The following IFNLR1 variants were observed in gnomAD, a reference collection of about 807,000 sequenced individuals.
IFNLR1 encodes the protein interferon lambda receptor 1, also known as CRF2-12.
Under a neutral mutation model 52.5 loss-of-function variants are expected in IFNLR1, and 28 were observed. The observed-to-expected ratio is 0.53, with a 90% CI of 0.40 to 0.73. The LOEUF is 0.73. IFNLR1 is among the 30% of genes least tolerant of loss of function. IFNLR1 has a pLI of 0.00. For missense variants in IFNLR1, 623 were observed against 659.1 expected (o/e 0.95, Z 0.60); for synonymous variants, 276 against 274.9 (o/e 1.00, Z -0.04).
chr1:24,159,176 T>C lies in IFNLR1; in HGVS notation c.677A>G (p.Asn226Ser), dbSNP rs370063453. The change falls in exon 6 of 7, where the codon AAC becomes AGC. Residue 226 changes from asparagine to serine, a missense_variant. Coordinates refer to ENST00000327535, the MANE Select transcript of IFNLR1 (RefSeq NM_170743.4). ...TCFLLEVPEA[N>S]WAFLVLPSLL... The stretch of plus-strand genomic sequence containing the variant: ...CGATGGCAGCACCAGGAAAGCCCAG[T>C]TGGCTTCTAAGGAAGGAAAAATAAC... 34 of 1,613,928 alleles carry C rather than the reference T, an allele frequency of 2.1e-5. No individual in the cohort carries two copies. The highest frequency in any genetic ancestry group is 4.5e-5 in the East Asian group (2 of 44,894).
At chr1:24,165,060 G>A (rs1473725961) in intron 3 of IFNLR1, among the ~76,000 whole-genome samples, 4 of 152,156 alleles carry the variant, frequency 2.6e-5, no homozygotes, top group African/African-American at 7.2e-5. Flanking sequence ...ACTGTGCCCA[G>A]CTACAATCTC....
At chr1:24,166,155 C>T (rs1172166454) in intron 3 of IFNLR1, among the ~76,000 whole-genome samples, 1 of 150,302 alleles carries the variant, frequency 6.7e-6, no homozygotes, top group Non-Finnish European at 1.5e-5. Context: ...TCCTGTCTGC[C>T]TTCTTATCCT....
At chr1:24,159,726 G>GTTTTGTTTT in intron 4 of IFNLR1, 93 bp from the exon 5 acceptor site, 1 of 761,910 alleles carries the variant, frequency 1.3e-6, no homozygotes, top group Non-Finnish European at 2.0e-6. Flanking sequence ...ATGGTAGGGT[G>GTTTTGTTTT]TTTTTTTTTT....
At position 24,185,483 on chromosome 1, in the gene IFNLR1, C is replaced by T. The variant is rs148196162; in HGVS notation, c.58+1708G>A. On this transcript the variant is annotated intron_variant, in intron 1 of 6. Transcript: ENST00000327535. Reference sequence around the variant, plus strand: ...CCATGTGCCATGATGGAAATCCATACGGGTTGCAAAATGGCATCAGGGAGG... The same window carrying T: ...CCATGTGCCATGATGGAAATCCATATGGGTTGCAAAATGGCATCAGGGAGG... Among the ~76,000 whole-genome samples, 236 of 152,328 alleles carry T rather than the reference C, an allele frequency of 1.5e-3. 1 individual carries two copies. The highest frequency in any genetic ancestry group is 6.8e-3 in the Middle Eastern group (2 of 294).
intron 2 of IFNLR1, among the ~76,000 whole-genome samples, chr1:24,170,202 T>G (rs1208238384): frequency 6.6e-6 from 1 of 152,254 alleles, no homozygotes; most frequent in Non-Finnish European, 1.5e-5. Flanking sequence ...ACCTTGACCC[T>G]GAACTTCCCA....
chr1:24,173,798 G>A (rs916769682), intron 2 of IFNLR1, among the ~76,000 whole-genome samples: 10 of 150,666 alleles, frequency 6.6e-5, no homozygotes, highest in South Asian at 2.1e-4. Context: ...ACAGGTGTAC[G>A]CCACCATGCC....
chr1:24,161,952 G>GCCATC (rs1171201579), intron 3 of IFNLR1, among the ~76,000 whole-genome samples: 1 of 152,214 alleles, frequency 6.6e-6, no homozygotes, highest in Non-Finnish European at 1.5e-5. Context: ...CTTCTCTCAT[G>GCCATC]CCATCCCATC....
chr1:24,161,378 T>C (rs1431087668), intron 4 of IFNLR1, 164 bp downstream of exon 4: 3 of 741,026 alleles, frequency 4.0e-6, no homozygotes, highest in Non-Finnish European at 6.7e-6. Context: ...TAGGTCATCA[T>C]ACTTTGATCA....
rs1369062767 is a variant in IFNLR1 at position 24,157,335 on chromosome 1, G to A, written c.1358C>T (p.Thr453Ile). The A allele has an allele frequency of 6.2e-7, 1 of 1,614,170 alleles. No individual in the cohort carries two copies. Among genetic ancestry groups the A allele is most frequent in the Admixed American group, 1.7e-5 (1 of 60,030 alleles). The change falls in exon 7 of 7, where the codon ACC becomes ATC. Residue 453 changes from threonine to isoleucine, a missense_variant. Coordinates refer to ENST00000327535, the MANE Select transcript of IFNLR1 (RefSeq NM_170743.4). This position sits in a 1 kb window ranked among gnomAD's most constrained non-coding sequence, Gnocchi z 5.1. The stretch of plus-strand genomic sequence containing the variant: ...GACCAGATTCGGCTCCGGTGGTAAG[G>A]TGCCCCAGGTGGCCCAGGAGGAGAG... ...DNLSSWATWG[T>I]LPPEPNLVPG...
At chr1:24,160,225 G>A (rs962867062) in intron 4 of IFNLR1, among the ~76,000 whole-genome samples, 1 of 152,218 alleles carries the variant, frequency 6.6e-6, no homozygotes, top group Non-Finnish European at 1.5e-5. Flanking sequence ...ATCAGCAGTG[G>A]AGGAAACCTC....
Position 24,157,541 on chromosome 1 carries a change from A to C in IFNLR1, c.1152T>G (p.Asp384Glu). The C allele has an allele frequency of 6.2e-7, 1 of 1,611,910 alleles. No individual in the cohort carries two copies. Among genetic ancestry groups the C allele is most frequent in the Non-Finnish European group, 8.5e-7 (1 of 1,178,960 alleles). ...LVPSEGSSAW[D>E]SSDRSWASTV... Reference sequence around the variant, plus strand: ...TGCTGGCCCAGCTTCTGTCTGAAGAATCCCAAGCAGAGGAGCCTTCGCTTG... The same window carrying C: ...TGCTGGCCCAGCTTCTGTCTGAAGACTCCCAAGCAGAGGAGCCTTCGCTTG... The change falls in exon 7 of 7, where the codon GAT (aspartate) becomes GAG (glutamate). Residue 384 changes from aspartate (D) to glutamate (E), a missense_variant. Transcript: ENST00000327535. This position sits in a 1 kb window ranked among gnomAD's most constrained non-coding sequence, Gnocchi z 5.1.
chr1:24,176,809 A>G (rs767191977), intron 2 of IFNLR1, among the ~76,000 whole-genome samples: 2 of 152,182 alleles, frequency 1.3e-5, no homozygotes, highest in Non-Finnish European at 2.9e-5. Flanking sequence ...ACAGGGCCTC[A>G]CCATGTTGCC....
intron 3 of IFNLR1, among the ~76,000 whole-genome samples, chr1:24,162,712 TTTCTTTC>T (rs1276179333): frequency 1.9e-5 from 1 of 53,766 alleles, no homozygotes; most frequent in African/African-American, 8.3e-5. Context: ...TTTTCTTTTC[TTTCTTTC>T]TTTCTTTTCT....
intron 3 of IFNLR1, among the ~76,000 whole-genome samples, chr1:24,164,281 G>A (rs1207008797): frequency 2.0e-5 from 3 of 152,198 alleles, no homozygotes; most frequent in Middle Eastern, 3.2e-3. Flanking sequence ...TTCACCGTCT[G>A]AGATATCCTT....
chr1:24,187,162 C>T lies in IFNLR1; in HGVS notation c.58+29G>A, dbSNP rs1241922684. On this transcript the variant is annotated intron_variant, in intron 1 of 6. Coordinates refer to ENST00000327535, the MANE Select transcript of IFNLR1 (RefSeq NM_170743.4). ...GGCCCGGCCCGGGGAGCCCTCTTCC[C>T]CCTCCCTCCCGCGGCCCCGCGCCCT... The T allele has an allele frequency of 3.7e-6, 5 of 1,352,488 alleles. No individual in the cohort carries two copies. In the Admixed American group the frequency reaches 1.2e-4, roughly 34 times the overall value. The allele number at this position is 1,352,488 out of a possible 1,614,324, so 83.8% of individuals were successfully genotyped here.
At chr1:24,182,259 C>G (rs1382866555) in intron 1 of IFNLR1, among the ~76,000 whole-genome samples, 1 of 151,774 alleles carries the variant, frequency 6.6e-6, no homozygotes, top group Non-Finnish European at 1.5e-5. Flanking sequence ...ACGCCCAGTT[C>G]GCTGGCATTA....
At chr1:24,159,737 G>GTTTTTT (rs79165037) in intron 4 of IFNLR1, 104 bp from the exon 5 acceptor site, 4 of 459,260 alleles carry the variant, frequency 8.7e-6, no homozygotes, top group African/African-American at 3.3e-5. Flanking sequence ...TTTTTTTTTT[G>GTTTTTT]TTTTTTTTTT....
chr1:24,162,661 G>T (rs1340106726), intron 3 of IFNLR1, among the ~76,000 whole-genome samples: 1 of 151,976 alleles, frequency 6.6e-6, no homozygotes, highest in East Asian at 1.9e-4. Context: ...GGCAAGAGAG[G>T]GTGAGAGTAA....
chr1:24,164,601 G>A (rs1644498935), intron 3 of IFNLR1, among the ~76,000 whole-genome samples: 2 of 152,124 alleles, frequency 1.3e-5, no homozygotes, highest in Non-Finnish European at 2.9e-5. Context: ...CAGCTTCCTA[G>A]AAGTCCCCTG....
Sources: allele counts gnomAD v4.1 joint callset (sites outside exome capture counted in the v4.1 genomes callset), GRCh38; gene constraint gnomAD v4.1.1; non-coding constraint Gnocchi (gnomAD v3.1); transcripts MANE v1.5; gene names NCBI Gene and HGNC (gene_info 2026-07-23, HGNC 2026-07-21).